Variants in DNAH9 observed in about 807,000 individuals in gnomAD.
The protein encoded by DNAH9 is DNAH9 variant protein.
Under a neutral mutation model 471.6 loss-of-function variants are expected in DNAH9, and 345 were observed. The ratio of observed to expected loss-of-function variants is 0.73; its 90% CI spans 0.67 to 0.80. The LOEUF (loss-of-function observed/expected upper bound fraction) is 0.80. Ranked by LOEUF, DNAH9 falls within the 30% of genes least tolerant of loss-of-function variation. The pLI is 0.00. For synonymous variants in DNAH9, 2,093 were observed against 2,123.6 expected (o/e 0.99, Z 0.40); for missense variants, 5,407 against 5,609.2 (o/e 0.96, Z 1.15).
At chr17:11,826,524 G>T (rs1970501391) in intron 48 of DNAH9, among the ~76,000 whole-genome samples, 1 of 131,142 alleles carries the variant, frequency 7.6e-6, no homozygotes, top group South Asian at 2.5e-4. Flanking sequence ...GCAGTGGCGC[G>T]ATCTCGGCTC....
Position 11,752,972 on chromosome 17 carries a change from G to A in DNAH9, c.6738+12G>A. Reference sequence around the variant, plus strand: ...TGGATGATAACAAGGTATGAAATTGGGGGATATCCCTAGATCATTTCTAAT... The same window carrying A: ...TGGATGATAACAAGGTATGAAATTGAGGGATATCCCTAGATCATTTCTAAT... On this transcript the variant is annotated intron_variant, in intron 33 of 68. Coordinates refer to ENST00000262442, the MANE Select transcript of DNAH9 (RefSeq NM_001372.4). The A allele has an allele frequency of 1.3e-6, 2 of 1,575,170 alleles. No homozygotes were observed. The highest frequency in any genetic ancestry group is 2.3e-5 in the East Asian group (1 of 44,168).
intron 28 of DNAH9, 62 bp downstream of exon 28, chr17:11,727,984 G>A: frequency 9.2e-7 from 1 of 1,082,426 alleles, no homozygotes. Flanking sequence ...GGAAGTCTAT[G>A]TCCTCTTGTT....
At chr17:11,618,983 CA>C (rs2072800913) in intron 5 of DNAH9, among the ~76,000 whole-genome samples, 1 of 152,032 alleles carries the variant, frequency 6.6e-6, no homozygotes, top group African/African-American at 2.4e-5. Flanking sequence ...AAACCGAAAC[CA>C]AAAGTAGGAG....
At chr17:11,795,634 C>T (rs1969214188) in intron 42 of DNAH9, among the ~76,000 whole-genome samples, 1 of 152,146 alleles carries the variant, frequency 6.6e-6, no homozygotes, top group African/African-American at 2.4e-5. Context: ...TGTTTGAGAC[C>T]CTCATGTTAG....
At chr17:11,692,001 A>G (rs1006281146) in intron 20 of DNAH9, among the ~76,000 whole-genome samples, 8 of 152,050 alleles carry the variant, frequency 5.3e-5, no homozygotes, top group Non-Finnish European at 1.2e-4. Flanking sequence ...ACGAGGTTTC[A>G]CCATGTTGGC....
chr17:11,606,877 G>A (rs564209363), intron 1 of DNAH9, among the ~76,000 whole-genome samples: 4 of 152,200 alleles, frequency 2.6e-5, no homozygotes, highest in Admixed American at 2.6e-4. Context: ...TGGTTGTGAA[G>A]GTGACCAAGA....
intron 42 of DNAH9, among the ~76,000 whole-genome samples, chr17:11,796,700 A>C (rs2150911638): frequency 6.6e-6 from 1 of 152,358 alleles, no homozygotes; most frequent in African/African-American, 2.4e-5. Context: ...TCATGCTGGC[A>C]TAACTTCCTA....
intron 52 of DNAH9, 130 bp downstream of exon 52, chr17:11,871,916 G>A: frequency 1.0e-6 from 1 of 998,360 alleles, no homozygotes; most frequent in Non-Finnish European, 1.5e-6. Context: ...AGCACCAGGT[G>A]TGAAACCTGC....
intron 28 of DNAH9, among the ~76,000 whole-genome samples, chr17:11,737,300 C>T (rs949785721): frequency 5.9e-5 from 9 of 152,174 alleles, no homozygotes; most frequent in African/African-American, 1.7e-4. Context: ...ACAGCCGTGC[C>T]CAGTGGTAGA....
At chr17:11,629,319 A>C in intron 6 of DNAH9, 98 bp from the exon 7 acceptor site, 1 of 948,226 alleles carries the variant, frequency 1.1e-6, no homozygotes, top group Non-Finnish European at 1.6e-6. Context: ...TCACTGTTCA[A>C]TTCCCACCTA....
intron 59 of DNAH9, among the ~76,000 whole-genome samples, chr17:11,899,196 T>G (rs900870405): frequency 8.7e-6 from 1 of 115,550 alleles, no homozygotes; most frequent in African/African-American, 2.8e-5. Flanking sequence ...AAAAAAAAAT[T>G]TAAGCATTGT....
chr17:11,887,982 T>G (rs911091884), intron 57 of DNAH9, among the ~76,000 whole-genome samples: 1 of 144,438 alleles, frequency 6.9e-6, no homozygotes, highest in East Asian at 2.2e-4. Flanking sequence ...TATTTTATGG[T>G]TTTTTGTTTT....
At chr17:11,612,173 T>A (rs2150643155) in intron 4 of DNAH9, 2 of 462,650 alleles carry the variant, frequency 4.3e-6, no homozygotes, top group East Asian at 8.3e-5. Flanking sequence ...GGACATACAG[T>A]TCTGGGGTGG....
At chr17:11,667,983 G>A (rs1195287905) in intron 15 of DNAH9, among the ~76,000 whole-genome samples, 3 of 152,134 alleles carry the variant, frequency 2.0e-5, no homozygotes, top group Non-Finnish European at 2.9e-5. Flanking sequence ...AGCCCATAAC[G>A]GGCTCCTAAA....
rs546246856 is a variant in DNAH9, at chr17:11,631,473, G to A, written c.1519-1114G>A. Among the ~76,000 whole-genome samples the A allele has an allele frequency of 4.6e-5, 7 of 151,974 alleles. No homozygotes were observed. The South Asian group carries it at 6.2e-4, about 14-fold the overall frequency. On this transcript the variant is annotated intron_variant, in intron 7 of 68. Transcript: ENST00000262442. ...ATCCTGGCCAACACAGTGAAACCCC[G>A]TCTCAATTAAAAATACAAAAAAATA...
Position 11,854,031 on chromosome 17 carries a change from G to T in DNAH9, c.9536G>T (p.Gly3179Val). ...KTNLTELKSF[G>V]SPPLAVSNVS... ...AACCTGACAGAGCTGAAGTCATTTG[G>T]CTCTCCGCCTCTGGCCGTCAGCAAT... The change falls in exon 50 of 69, where the codon GGC (glycine) becomes GTC (valine). Residue 3179 changes from glycine to valine, a missense_variant. Around this residue, in one of 3 missense-constraint regions of DNAH9, gnomAD observed 4,636 missense variants for 4,900.3 expected, o/e 0.95. Coordinates refer to ENST00000262442, the MANE Select transcript of DNAH9 (RefSeq NM_001372.4). 6.2e-7 allele frequency: 1 copy of T among 1,613,990 alleles called. No homozygotes were observed. Among genetic ancestry groups the T allele is most frequent in the Non-Finnish European group, 8.5e-7 (1 of 1,179,978 alleles).
intron 45 of DNAH9, among the ~76,000 whole-genome samples, chr17:11,820,009 T>C (rs962123815): frequency 6.6e-6 from 1 of 152,108 alleles, no homozygotes; most frequent in African/African-American, 2.4e-5. Context: ...CAATCATTTT[T>C]TGTCATATTC....
intron 38 of DNAH9, among the ~76,000 whole-genome samples, chr17:11,775,358 T>G (rs1462448531): frequency 6.6e-6 from 1 of 152,154 alleles, no homozygotes; most frequent in Non-Finnish European, 1.5e-5. Context: ...CAATAATTTC[T>G]AAGCCCCAAC....
At chr17:11,656,048 A>T (rs2073640200) in intron 14 of DNAH9, among the ~76,000 whole-genome samples, 1 of 152,152 alleles carries the variant, frequency 6.6e-6, no homozygotes, top group Admixed American at 6.5e-5. Context: ...TCTTTTTCAT[A>T]TAATGACTTC....
Sources: gnomAD v4.1 joint callset for allele counts (sites outside exome capture counted in the v4.1 genomes callset) on GRCh38, gnomAD v4.1.1 for gene constraint, gnomAD v4.1.1 regional missense constraint, MANE v1.5 for transcripts, NCBI Gene and HGNC (gene_info 2026-07-23, HGNC 2026-07-21) for gene names.